The following SDR42E1 variants were observed in gnomAD, a reference collection of about 807,000 sequenced individuals.
The protein encoded by SDR42E1 is short chain dehydrogenase/reductase family 42E, member 1.
Under a neutral mutation model 2.6 loss-of-function variants are expected in SDR42E1, and 5 were observed. That is an observed-to-expected ratio of 1.94 (90% confidence interval 1.01 to 4.08). The LOEUF (loss-of-function observed/expected upper bound fraction) is 4.08, where lower values mean the gene tolerates loss of function less well. Ranked by LOEUF, SDR42E1 falls within the 30% of genes most tolerant of loss-of-function variation. SDR42E1 has a pLI of 0.00. For synonymous variants in SDR42E1, 231 were observed against 188.3 expected (o/e 1.23, Z -1.86); for missense variants, 596 against 478.6 (o/e 1.25, Z -2.29).
At chr16:82,000,971 A>G (rs1567564353) in intron 1 of SDR42E1, 87 bp from the exon 2 acceptor site, 7 of 820,006 alleles carry the variant, frequency 8.5e-6, no homozygotes, top group South Asian at 3.3e-5. Context: ...CAAAAAGTCA[A>G]TACGCTGTAG....
chr16:81,998,985 C>G lies in SDR42E1; in HGVS notation c.*126G>C. On this transcript the variant is annotated 3_prime_UTR_variant, in exon 3 of 3. Coordinates refer to ENST00000328945, the MANE Select transcript of SDR42E1 (RefSeq NM_145168.3). The stretch of plus-strand genomic sequence containing the variant: ...AAGACATAAAGATTCAATCCAAGAA[C>G]CTATTCTTAAGTAGCAATTTGAAGA... 1.1e-5 allele frequency: 10 copies of G among 939,694 alleles called. No individual in the cohort carries two copies. The highest frequency in any genetic ancestry group is 1.8e-5 in the South Asian group (1 of 56,930). 58.2% of individuals were successfully genotyped at this position (939,694 alleles called of 1,614,324 possible).
chr16:81,999,086 G>A lies in SDR42E1; in HGVS notation c.*25C>T. ...CTTGAGAACCATCTCAGCCAACTGT[G>A]ATCACCTTATTTCTGGCCCCTCCTT... On this transcript the variant is annotated 3_prime_UTR_variant, in exon 3 of 3. Coordinates refer to ENST00000328945, the MANE Select transcript of SDR42E1 (RefSeq NM_145168.3). 1 of 1,600,884 alleles carries A rather than the reference G, an allele frequency of 6.2e-7. No individual in the cohort carries two copies. Among genetic ancestry groups the A allele is most frequent in the Non-Finnish European group, 8.5e-7 (1 of 1,174,442 alleles).
chr16:82,001,966 A>ACC, intron 1 of SDR42E1, among the ~76,000 whole-genome samples: 1 of 149,242 alleles, frequency 6.7e-6, no homozygotes, highest in African/African-American at 2.5e-5. Flanking sequence ...GCGTATACAC[A>ACC]CACACACACA....
Position 81,996,162 on chromosome 16 carries a change from GA to G in SDR42E1, c.*2948del, listed in dbSNP as rs562999965. On this transcript the variant is annotated 3_prime_UTR_variant, in exon 3 of 3. Coordinates refer to ENST00000328945, the MANE Select transcript of SDR42E1 (RefSeq NM_145168.3). The stretch of plus-strand genomic sequence containing the variant: ...TCACGTTAAAGATTCTCAACCTAAG[GA>G]AAGTTTTCAGCAGAGAAGTGACAAA... 1 of 152,176 alleles carries G rather than the reference GA, an allele frequency of 6.6e-6. No homozygotes were observed. The highest frequency in any genetic ancestry group is 1.5e-5 in the Non-Finnish European group (1 of 68,050). 9.4% of individuals were successfully genotyped at this position (152,176 alleles called of 1,614,324 possible). A position where few individuals can be genotyped will look rare whatever the true frequency, so the allele number is the denominator to read the frequency against.
intron 1 of SDR42E1, among the ~76,000 whole-genome samples, chr16:82,002,015 G>A (rs1021882618): frequency 1.4e-5 from 2 of 148,012 alleles, no homozygotes; most frequent in African/African-American, 5.3e-5. Flanking sequence ...CAAGTCAACA[G>A]AGACACTCAG....
chr16:82,000,364 C>T, intron 2 of SDR42E1, 140 bp from the exon 3 acceptor site: 1 of 1,029,038 alleles, frequency 9.7e-7, no homozygotes, highest in Non-Finnish European at 1.5e-6. Context: ...ATGCATGTTC[C>T]TTGGTGCAAG....
rs1341947313 is a variant in SDR42E1 at position 81,992,437 on chromosome 16, C to T, written c.*6674G>A. ...CATTTCAGACTTATTATTATCTATTCAGGACACTAACTCCTAGTGACTGTT... is the reference window on the plus strand; with the variant it reads ...CATTTCAGACTTATTATTATCTATTTAGGACACTAACTCCTAGTGACTGTT... On this transcript the variant is annotated 3_prime_UTR_variant, in exon 3 of 3. Transcript: ENST00000328945. 6.6e-6 allele frequency: 1 copy of T among 152,144 alleles called. No homozygotes were observed. The highest frequency in any genetic ancestry group is 1.9e-4 in the East Asian group (1 of 5,196). The allele number at this position is 152,144 out of a possible 1,614,324, so 9.4% of individuals were successfully genotyped here. A position where few individuals can be genotyped will look rare whatever the true frequency, so the allele number is the denominator to read the frequency against.
rs1451324863 is a variant in SDR42E1 at position 81,993,485 on chromosome 16, AGTGAAAGGACC to A, written c.*5615_*5625del. 1 of 152,202 alleles carries A rather than the reference AGTGAAAGGACC, an allele frequency of 6.6e-6. No homozygotes were observed. Among genetic ancestry groups the A allele is most frequent in the African/African-American group, 2.4e-5 (1 of 41,436 alleles). The allele number at this position is 152,202 out of a possible 1,614,324, so 9.4% of individuals were successfully genotyped here. On this transcript the variant is annotated 3_prime_UTR_variant, in exon 3 of 3. Transcript: ENST00000328945. The stretch of plus-strand genomic sequence containing the variant: ...GCCCCCGTGCTTTTCTGGTTGTTAC[AGTGAAAGGACC>A]GATTCCAGAGCTTCCTACTCTGCCG...
At chr16:82,005,330 CG>C (rs538286125) in intron 1 of SDR42E1, among the ~76,000 whole-genome samples, 93 of 152,116 alleles carry the variant, frequency 6.1e-4, no homozygotes, top group African/African-American at 2.2e-3. Flanking sequence ...CTGACCTGAT[CG>C]GGGGGGTCAG....
Position 81,993,486 on chromosome 16 carries a change from G to A in SDR42E1, c.*5625C>T, listed in dbSNP as rs561569651. ...CCCCCGTGCTTTTCTGGTTGTTACA[G>A]TGAAAGGACCGATTCCAGAGCTTCC... is the stretch of plus-strand genomic sequence containing the variant. On this transcript the variant is annotated 3_prime_UTR_variant, in exon 3 of 3. Coordinates refer to ENST00000328945, the MANE Select transcript of SDR42E1 (RefSeq NM_145168.3). 2.0e-5 allele frequency: 3 copies of A among 152,300 alleles called. No individual in the cohort carries two copies. Among genetic ancestry groups the A allele is most frequent in the South Asian group, 2.1e-4 (1 of 4,822 alleles). 9.4% of individuals were successfully genotyped at this position (152,300 alleles called of 1,614,324 possible).
At chr16:82,002,441 C>T (rs1567564987) in intron 1 of SDR42E1, among the ~76,000 whole-genome samples, 1 of 152,148 alleles carries the variant, frequency 6.6e-6, no homozygotes, top group Non-Finnish European at 1.5e-5. Flanking sequence ...ATAATAACAA[C>T]AAACACATAC....
At chr16:82,000,342 G>C in intron 2 of SDR42E1, 118 bp from the exon 3 acceptor site, 3 of 1,287,224 alleles carry the variant, frequency 2.3e-6, no homozygotes, top group Non-Finnish European at 3.3e-6. Context: ...GGCTCATCCT[G>C]AGCCCCTCAC....
Position 82,000,034 on chromosome 16 carries a change from G to C in SDR42E1, c.259C>G (p.Arg87Gly), listed in dbSNP as rs572676726. ...FHIASYGMSG[R>G]EQLNRNLIKE... ...ATCAGGTTTCGATTGAGTTGCTCCC[G>C]CCCTGACATACCATAAGAGGCAATA... The change falls in exon 3 of 3, where the codon CGG becomes GGG. Residue 87 changes from arginine to glycine, a missense_variant. Coordinates refer to ENST00000328945, the MANE Select transcript of SDR42E1 (RefSeq NM_145168.3). The C allele has an allele frequency of 1.5e-5, 24 of 1,614,114 alleles. No homozygotes were observed. The African/African-American group carries it at 3.1e-4, about 21-fold the overall frequency.
rs951948426 is a variant in SDR42E1 at position 81,990,217 on chromosome 16, C to T, written c.*8894G>A. 3.9e-5 allele frequency: 6 copies of T among 152,246 alleles called. No individual in the cohort carries two copies. Among genetic ancestry groups the T allele is most frequent in the Non-Finnish European group, 7.3e-5 (5 of 68,108 alleles). 9.4% of individuals were successfully genotyped at this position (152,246 alleles called of 1,614,324 possible). The stretch of plus-strand genomic sequence containing the variant: ...GGTTCTAGCTACTTAGGAGGATCAC[C>T]TGAGCCCAGGAGGGCACTGCAGCAG... On this transcript the variant is annotated 3_prime_UTR_variant, in exon 3 of 3. Coordinates refer to ENST00000328945, the MANE Select transcript of SDR42E1 (RefSeq NM_145168.3).
chr16:81,995,677 T>C lies in SDR42E1; in HGVS notation c.*3434A>G, dbSNP rs1912525859. The stretch of plus-strand genomic sequence containing the variant: ...TAGAAACAGTGAGTTATCTGTGTGC[T>C]AGAAAAGAGTGTTCATCCATAGCAG... On this transcript the variant is annotated 3_prime_UTR_variant, in exon 3 of 3. Coordinates refer to ENST00000328945, the MANE Select transcript of SDR42E1 (RefSeq NM_145168.3). 1 of 152,258 alleles carries C rather than the reference T, an allele frequency of 6.6e-6. No individual in the cohort carries two copies. The highest frequency in any genetic ancestry group is 1.5e-5 in the Non-Finnish European group (1 of 68,066). The allele number at this position is 152,258 out of a possible 1,614,324, so 9.4% of individuals were successfully genotyped here. A position where few individuals can be genotyped will look rare whatever the true frequency, so the allele number is the denominator to read the frequency against.
rs1344321878 is a variant in SDR42E1 at position 81,999,675 on chromosome 16, C to T, written c.618G>A (p.Lys206=). The T allele has an allele frequency of 1.2e-6, 2 of 1,614,104 alleles. No individual in the cohort carries two copies. The highest frequency in any genetic ancestry group is 1.7e-6 in the Non-Finnish European group (2 of 1,180,046). The change falls in exon 3 of 3, where the codon AAG becomes AAA. Residue 206 remains lysine, a synonymous_variant. Transcript: ENST00000328945. ...CCCCGTAGACAAACTTGAACAGACC[C>T]TTCTCGATGTAGCTGACTATCCTGG... ...HLPRIVSYIE[K]GLFKFVYGDP...
Position 81,992,227 on chromosome 16 carries a change from TAAC to T in SDR42E1, c.*6881_*6883del, listed in dbSNP as rs1490749087. 2 of 152,222 alleles carry T rather than the reference TAAC, an allele frequency of 1.3e-5. No homozygotes were observed. The highest frequency in any genetic ancestry group is 2.9e-5 in the Non-Finnish European group (2 of 68,040). 9.4% of individuals were successfully genotyped at this position (152,222 alleles called of 1,614,324 possible). A position where few individuals can be genotyped will look rare whatever the true frequency, so the allele number is the denominator to read the frequency against. On this transcript the variant is annotated 3_prime_UTR_variant, in exon 3 of 3. Coordinates refer to ENST00000328945, the MANE Select transcript of SDR42E1 (RefSeq NM_145168.3). ...TCAACAAATAGTAGCAATTAACTAT[TAAC>T]AATGTTCATCTTTGAGTAATTTAGT...
rs1912629908 is a variant in SDR42E1, at chr16:81,999,040, C to T, written c.*71G>A. 24 of 1,503,342 alleles carry T rather than the reference C, an allele frequency of 1.6e-5. No homozygotes were observed. The highest frequency in any genetic ancestry group is 2.0e-5 in the Non-Finnish European group (22 of 1,116,430). 93.1% of individuals were successfully genotyped at this position (1,503,342 alleles called of 1,614,324 possible). On this transcript the variant is annotated 3_prime_UTR_variant, in exon 3 of 3. Transcript: ENST00000328945. Reference sequence around the variant, plus strand: ...ATGTTTGGCACCAGATATCACTGTACACATTTTAAAACCCATGTTTCTTGA... The same window carrying T: ...ATGTTTGGCACCAGATATCACTGTATACATTTTAAAACCCATGTTTCTTGA...
At chr16:82,001,341 G>A (rs908123940) in intron 1 of SDR42E1, among the ~76,000 whole-genome samples, 11 of 152,028 alleles carry the variant, frequency 7.2e-5, no homozygotes, top group Non-Finnish European at 8.8e-5. Flanking sequence ...TCGCACTGCA[G>A]CATGGTTTAA....
Sources: allele counts gnomAD v4.1 joint callset (sites outside exome capture counted in the v4.1 genomes callset), GRCh38; gene constraint gnomAD v4.1.1; transcripts MANE v1.5; gene names NCBI Gene and HGNC (gene_info 2026-07-23, HGNC 2026-07-21).